Variants in ELOVL6 observed in about 807,000 individuals in gnomAD.
ELOVL6 encodes the protein ELOVL fatty acid elongase 6, also known as very long chain fatty acid elongase 6.
In ELOVL6, 8 loss-of-function variants were observed where a neutral mutation model predicts 31.7. The ratio of observed to expected loss-of-function variants is 0.25; its 90% CI spans 0.15 to 0.45. ELOVL6 has a LOEUF of 0.45. Ranked by LOEUF, ELOVL6 falls within the 20% of genes least tolerant of loss-of-function variation. ELOVL6 has a pLI of 1.00. For synonymous variants in ELOVL6, 101 were observed against 117.7 expected (o/e 0.86, Z 0.92); for missense variants, 126 against 326.4 (o/e 0.39, Z 4.73).
intron 2 of ELOVL6, among the ~76,000 whole-genome samples, chr4:110,065,245 T>C (rs1359516252): frequency 4.1e-4 from 63 of 152,230 alleles, no homozygotes; most frequent in Non-Finnish European, 1.5e-5. Flanking sequence ...GTTCTTGTTT[T>C]CAGGTTTTAT....
chr4:110,051,121 T>C lies in ELOVL6; in HGVS notation c.*217A>G. ...GAATGGGGTCTTCCAGCAGCAGTGC[T>C]TGGAGATGGAGGTGCACTCAGTGAG... On this transcript the variant is annotated 3_prime_UTR_variant, in exon 4 of 4. Coordinates refer to ENST00000302274, the MANE Select transcript of ELOVL6 (RefSeq NM_024090.3). The surrounding 1 kb of genome is among the most constrained non-coding windows in gnomAD (Gnocchi z 4.8). 1.8e-6 allele frequency: 1 copy of C among 559,738 alleles called. No homozygotes were observed. The highest frequency in any genetic ancestry group is 3.2e-6 in the Non-Finnish European group (1 of 314,652). The allele number at this position is 559,738 out of a possible 1,614,324, so 34.7% of individuals were successfully genotyped here.
intron 1 of ELOVL6, among the ~76,000 whole-genome samples, chr4:110,129,808 G>A (rs374312606): frequency 5.3e-5 from 8 of 151,582 alleles, no homozygotes; most frequent in East Asian, 3.9e-4. Context: ...TGCTCTAGAC[G>A]TCTGTTGAGT....
intron 1 of ELOVL6, 120 bp downstream of exon 1, chr4:110,198,127 C>T: frequency 1.8e-6 from 1 of 554,128 alleles, no homozygotes; most frequent in Non-Finnish European, 3.4e-6. Context: ...ACTCAGCGAT[C>T]AGCTGGCTGC....
chr4:110,119,007 T>A (rs2126252865), intron 1 of ELOVL6, among the ~76,000 whole-genome samples: 1 of 152,236 alleles, frequency 6.6e-6, no homozygotes, highest in Admixed American at 6.5e-5. Context: ...GAGGTTGCAG[T>A]AAGCTGTGAT....
Position 110,084,185 on chromosome 4 carries a change from A to ACATATAACTTATATGATATATATAT in ELOVL6, c.221+21311_221+21312insATATATATATCATATAAGTTATATG, listed in dbSNP as rs1560814408. Among the ~76,000 whole-genome samples the ACATATAACTTATATGATATATATAT allele has an allele frequency of 1.2e-3, 82 of 67,548 alleles. 6 individuals are homozygous for ACATATAACTTATATGATATATATAT. The highest frequency in any genetic ancestry group is 6.1e-3 in the African/African-American group (73 of 12,058). 44.3% of individuals were successfully genotyped at this position (67,548 alleles called of 152,430 possible). A position where few individuals can be genotyped will look rare whatever the true frequency, so the allele number is the denominator to read the frequency against. ...ATATGTGATATATATGATATATATA[A>ACATATAACTTATATGATATATATAT]CATATAACTTATATGATATATATAA... On this transcript the variant is annotated intron_variant, in intron 2 of 3. Coordinates refer to ENST00000302274, the MANE Select transcript of ELOVL6 (RefSeq NM_024090.3).
intron 1 of ELOVL6, among the ~76,000 whole-genome samples, chr4:110,167,381 T>C (rs1282283564): frequency 1.3e-5 from 2 of 152,230 alleles, no homozygotes; most frequent in Non-Finnish European, 2.9e-5. Context: ...TTATTATACA[T>C]GCTGTTTCAT....
intron 2 of ELOVL6, 89 bp downstream of exon 2, chr4:110,105,408 T>C (rs1756859658): frequency 7.4e-7 from 1 of 1,343,582 alleles, no homozygotes; most frequent in Non-Finnish European, 1.0e-6. Context: ...ATCAAAAATA[T>C]CAGATTTAAA....
intron 1 of ELOVL6, among the ~76,000 whole-genome samples, chr4:110,168,446 G>A (rs1758844022): frequency 1.3e-5 from 2 of 152,008 alleles, no homozygotes; most frequent in African/African-American, 4.8e-5. Flanking sequence ...TTGAACCCAG[G>A]AGGCAGAGGC....
chr4:110,064,139 T>C (rs1039142944), intron 2 of ELOVL6, among the ~76,000 whole-genome samples: 6 of 151,572 alleles, frequency 4.0e-5, no homozygotes, highest in Non-Finnish European at 7.4e-5. Flanking sequence ...ATCATTTTTG[T>C]CAAAGCCAAA....
At chr4:110,189,694 C>T (rs185648246) in intron 1 of ELOVL6, among the ~76,000 whole-genome samples, 2 of 151,010 alleles carry the variant, frequency 1.3e-5, no homozygotes, top group Admixed American at 6.6e-5. Flanking sequence ...TAGGGCTTGG[C>T]GCAGTGGCTC....
chr4:110,048,422 A>G lies in ELOVL6; in HGVS notation c.*2916T>C, dbSNP rs1285860731. 6.6e-6 allele frequency: 1 copy of G among 152,182 alleles called. No homozygotes were observed. Among genetic ancestry groups the G allele is most frequent in the East Asian group, 1.9e-4 (1 of 5,202 alleles). The allele number at this position is 152,182 out of a possible 1,614,324, so 9.4% of individuals were successfully genotyped here. A position where few individuals can be genotyped will look rare whatever the true frequency, so the allele number is the denominator to read the frequency against. On this transcript the variant is annotated 3_prime_UTR_variant, in exon 4 of 4. Coordinates refer to ENST00000302274, the MANE Select transcript of ELOVL6 (RefSeq NM_024090.3). ...ATAAAGGATTTTTTTTTAGCCCAAGAACAATGCTTTCACCATAGTAGGATC... is the reference window on the plus strand; with the variant it reads ...ATAAAGGATTTTTTTTTAGCCCAAGGACAATGCTTTCACCATAGTAGGATC...
At chr4:110,168,424 C>A (rs1465937378) in intron 1 of ELOVL6, among the ~76,000 whole-genome samples, 2 of 151,768 alleles carry the variant, frequency 1.3e-5, no homozygotes, top group African/African-American at 4.8e-5. Context: ...GTGACTGAGG[C>A]ACAAAAATCA....
At chr4:110,064,078 CAAAA>C (rs34104506) in intron 2 of ELOVL6, among the ~76,000 whole-genome samples, 2 of 103,308 alleles carry the variant, frequency 1.9e-5, no homozygotes, top group Non-Finnish European at 4.6e-5. Context: ...AACTCTGTCT[CAAAA>C]AAAAAAAAAA....
chr4:110,189,592 C>CAAAAAAAA (rs761765202), intron 1 of ELOVL6, among the ~76,000 whole-genome samples: 1 of 75,336 alleles, frequency 1.3e-5, no homozygotes, highest in Non-Finnish European at 2.3e-5. Flanking sequence ...GACTCTGTCT[C>CAAAAAAAA]AAAAAAAAAA....
chr4:110,107,382 T>C (rs758086054), intron 1 of ELOVL6, among the ~76,000 whole-genome samples: 3 of 152,210 alleles, frequency 2.0e-5, no homozygotes, highest in Non-Finnish European at 2.9e-5. Flanking sequence ...AATTTTCTGA[T>C]GGGGAAAATA....
At chr4:110,084,238 T>TATAACTTATATGATATATAAC (rs1412482333) in intron 2 of ELOVL6, among the ~76,000 whole-genome samples, 3,766 of 114,044 alleles carry the variant, frequency 0.033, 770 homozygotes, top group African/African-American at 0.14. Flanking sequence ...ATATATAACA[T>TATAACTTATATGATATATAAC]ATATGATATA....
intron 1 of ELOVL6, among the ~76,000 whole-genome samples, chr4:110,154,883 G>A (rs189026461): frequency 1.6e-4 from 25 of 152,316 alleles, no homozygotes; most frequent in Admixed American, 1.6e-3. Flanking sequence ...AAATGTGCTA[G>A]AGGTCAAAAC....
chr4:110,084,101 T>TGATATATATGATATATATAACATATATAC (rs1756035568), intron 2 of ELOVL6, among the ~76,000 whole-genome samples: 3 of 92,100 alleles, frequency 3.3e-5, no homozygotes, highest in African/African-American at 1.5e-4. Flanking sequence ...AACATATATA[T>TGATATATATGATATATATAACATATATAC]GATATATATG....
chr4:110,196,264 G>C (rs972630345), intron 1 of ELOVL6, among the ~76,000 whole-genome samples: 1 of 151,930 alleles, frequency 6.6e-6, no homozygotes, highest in Non-Finnish European at 1.5e-5. Context: ...CAGAGATTCG[G>C]CACAGAAGCA....
Sources: allele counts gnomAD v4.1 joint callset (sites outside exome capture counted in the v4.1 genomes callset), GRCh38; gene constraint gnomAD v4.1.1; non-coding constraint Gnocchi (gnomAD v3.1); transcripts MANE v1.5; gene names NCBI Gene and HGNC (gene_info 2026-07-23, HGNC 2026-07-21).